PPP1R12A: variants seen among roughly 807,000 people sequenced by gnomAD.
PPP1R12A encodes the protein protein phosphatase 1 regulatory subunit 12A.
PPP1R12A carries 19 observed loss-of-function variants against 139.6 expected under a neutral mutation model. The ratio of observed to expected loss-of-function variants is 0.14; its 90% CI spans 0.09 to 0.20. The LOEUF (loss-of-function observed/expected upper bound fraction) is 0.20. PPP1R12A is among the 10% of genes least tolerant of loss of function. The pLI, the probability that PPP1R12A is intolerant of heterozygous loss-of-function variation, is 1.00. For missense variants in PPP1R12A, 925 were observed against 1,211.5 expected, an observed-to-expected ratio of 0.76 and a Z score of 3.51; for synonymous variants, 427 against 420.6, an observed-to-expected ratio of 1.02 and a Z score of -0.19.
At chr12:79,846,344 T>C (rs1378832307) in intron 2 of PPP1R12A, among the ~76,000 whole-genome samples, 4 of 152,208 alleles carry the variant, frequency 2.6e-5, no homozygotes, top group Admixed American at 1.3e-4. Context: ...AGGTTATTTA[T>C]CTATTTAATC....
In PPP1R12A at chr12:79,839,680, G is replaced by A. The variant is rs191675708; in HGVS notation, c.487+5622C>T. On this transcript the variant is annotated intron_variant, in intron 3 of 24. Coordinates refer to ENST00000450142, the MANE Select transcript of PPP1R12A (RefSeq NM_002480.3). ...CTTGGCACTTCTCTCTCCTGCCACC[G>A]TGTGAAGAAGGATATGTTTGCCTTC... 1.5e-3 allele frequency among the ~76,000 whole-genome samples: 222 copies of A among 152,178 alleles called. 2 individuals are homozygous for A. Among genetic ancestry groups the A allele is most frequent in the African/African-American group, 4.9e-3 (204 of 41,504 alleles).
intron 11 of PPP1R12A, among the ~76,000 whole-genome samples, chr12:79,808,172 G>A (rs1488678352): frequency 2.0e-5 from 3 of 151,830 alleles, no homozygotes; most frequent in African/African-American, 7.3e-5. Flanking sequence ...GATTAAGTAA[G>A]GGCTTTCCTT....
In PPP1R12A at chr12:79,786,425, A is replaced by G. The variant is rs1871139709; in HGVS notation, c.2856T>C (p.Asp952=). 1.3e-6 allele frequency: 2 copies of G among 1,564,336 alleles called. No homozygotes were observed. The highest frequency in any genetic ancestry group is 1.7e-6 in the Non-Finnish European group (2 of 1,153,852). ...TAAGATCTGTTAGTTCCATATTTGT[A>G]TCATGTAGCTGTGCCTTCAGCTTTT... is the stretch of plus-strand genomic sequence containing the variant. The part of the protein sequence containing the change: ...ENEKLKAQLH[D]TNMELTDLKL... The change falls in exon 22 of 25, where the codon GAT becomes GAC. Residue 952 remains aspartate (D), a synonymous_variant. Transcript: ENST00000450142.
intron 4 of PPP1R12A, among the ~76,000 whole-genome samples, chr12:79,829,851 A>AT (rs1274309954): frequency 2.0e-5 from 3 of 152,148 alleles, no homozygotes; most frequent in Admixed American, 2.0e-4. Context: ...TTTTTTCAAC[A>AT]TAAAAAAAGA....
At chr12:79,782,027 G>C (rs567353128) in intron 22 of PPP1R12A, 165 bp from the exon 23 acceptor site, 43 of 418,138 alleles carry the variant, frequency 1.0e-4, no homozygotes, top group Non-Finnish European at 1.5e-4. Context: ...AAATAATAAA[G>C]AGTGCAATGA....
At chr12:79,808,351 T>C in intron 11 of PPP1R12A, 132 bp downstream of exon 11, 1 of 618,074 alleles carries the variant, frequency 1.6e-6, no homozygotes, top group Admixed American at 3.0e-5. Flanking sequence ...TGGTATTTTC[T>C]CCTTCAGGAA....
intron 1 of PPP1R12A, among the ~76,000 whole-genome samples, chr12:79,913,298 G>A (rs901451027): frequency 2.6e-5 from 4 of 152,314 alleles, no homozygotes; most frequent in African/African-American, 9.6e-5. Context: ...TATTCTCATA[G>A]TTACCTTCCA....
Position 79,786,458 on chromosome 12 carries a change from A to G in PPP1R12A, c.2823T>C (p.Ala941=). The G allele has an allele frequency of 6.4e-7, 1 of 1,554,366 alleles. No individual in the cohort carries two copies. The highest frequency in any genetic ancestry group is 8.7e-7 in the Non-Finnish European group (1 of 1,148,788). ...DFKKLYEQIL[A]ENEKLKAQLH... ...GCTGTGCCTTCAGCTTTTCATTTTC[A>G]GCTAGAATTTGTTCATAAAGCTATA... Residue 941 remains alanine (A), a synonymous_variant, in exon 22 of 25, where the codon GCT becomes GCC. Transcript: ENST00000450142.
At chr12:79,854,524 G>A (rs1251090456) in intron 2 of PPP1R12A, among the ~76,000 whole-genome samples, 2 of 152,098 alleles carry the variant, frequency 1.3e-5, no homozygotes, top group African/African-American at 2.4e-5. Context: ...CAATGACAAA[G>A]GCTAGAAAGA....
chr12:79,818,753 T>C (rs1295840106), intron 8 of PPP1R12A: 8 of 152,222 alleles, frequency 5.3e-5, no homozygotes, highest in Admixed American at 4.6e-4. Flanking sequence ...TTATCTGCTT[T>C]ATGAGAAGAG....
chr12:79,809,077 C>G (rs1420538191), intron 10 of PPP1R12A, among the ~76,000 whole-genome samples: 1 of 152,006 alleles, frequency 6.6e-6, no homozygotes, highest in Non-Finnish European at 1.5e-5. Context: ...CAATGACACT[C>G]TGATACATTC....
intron 1 of PPP1R12A, among the ~76,000 whole-genome samples, chr12:79,922,330 T>C (rs767817753): frequency 6.6e-6 from 1 of 152,246 alleles, no homozygotes. Flanking sequence ...GGGATAACAT[T>C]ATCGCATCAA....
intron 1 of PPP1R12A, among the ~76,000 whole-genome samples, chr12:79,879,797 A>G (rs886211242): frequency 5.9e-5 from 9 of 152,060 alleles, no homozygotes; most frequent in African/African-American, 2.2e-4. Context: ...AGATATACAT[A>G]TGTGAAATTT....
intron 1 of PPP1R12A, among the ~76,000 whole-genome samples, chr12:79,893,735 C>T (rs1161133724): frequency 6.6e-6 from 1 of 152,116 alleles, no homozygotes; most frequent in Admixed American, 6.5e-5. Flanking sequence ...CTTTTTCCTA[C>T]ATGAAAAATG....
At chr12:79,801,752 C>G (rs181775133) in intron 14 of PPP1R12A, among the ~76,000 whole-genome samples, 9 of 152,116 alleles carry the variant, frequency 5.9e-5, no homozygotes, top group Non-Finnish European at 1.0e-4. Context: ...TAATTTCTCA[C>G]GCAAGATCTT....
chr12:79,876,964 T>A (rs1883167667), intron 1 of PPP1R12A, among the ~76,000 whole-genome samples: 1 of 151,900 alleles, frequency 6.6e-6, no homozygotes, highest in Admixed American at 6.6e-5. Flanking sequence ...TGAGCCGAGA[T>A]CATGCCACTG....
intron 1 of PPP1R12A, among the ~76,000 whole-genome samples, chr12:79,919,611 A>G (rs1188065383): frequency 6.6e-6 from 1 of 152,040 alleles, no homozygotes; most frequent in African/African-American, 2.4e-5. Flanking sequence ...ATGCCTTCAT[A>G]AGCTTCCATA....
intron 9 of PPP1R12A, among the ~76,000 whole-genome samples, chr12:79,815,277 C>A (rs1592658323): frequency 6.6e-6 from 1 of 152,126 alleles, no homozygotes; most frequent in South Asian, 2.1e-4. Flanking sequence ...CAGTGGCTCA[C>A]GCCTGTAACC....
At chr12:79,796,614 TTC>T (rs1411860243) in intron 17 of PPP1R12A, among the ~76,000 whole-genome samples, 166 bp downstream of exon 17, 1 of 152,132 alleles carries the variant, frequency 6.6e-6, no homozygotes, top group Non-Finnish European at 1.5e-5. Context: ...CATATTCTAT[TTC>T]TGTTTTCTAC....
Sources: gnomAD v4.1 joint callset for allele counts (sites outside exome capture counted in the v4.1 genomes callset) on GRCh38, gnomAD v4.1.1 for gene constraint, MANE v1.5 for transcripts, NCBI Gene and HGNC (gene_info 2026-07-23, HGNC 2026-07-21) for gene names.